ZFAND4: variants seen among roughly 807,000 people sequenced by gnomAD.
ZFAND4 encodes AN1-type zinc finger protein 4.
ZFAND4 carries 43 observed loss-of-function variants against 64.4 expected under a neutral mutation model. The observed-to-expected ratio is 0.67, with a 90% CI of 0.52 to 0.86. ZFAND4 has a LOEUF of 0.86. Among genes scored for constraint, ZFAND4 ranks in the 40% least tolerant of loss-of-function variants. The pLI, the probability that ZFAND4 is intolerant of heterozygous loss-of-function variation, is 0.00. For missense variants in ZFAND4, 929 were observed against 859.8 expected, an observed-to-expected ratio of 1.08 and a Z score of -1.01; for synonymous variants, 296 against 305.7, an observed-to-expected ratio of 0.97 and a Z score of 0.33.
At chr10:45,666,461 T>C (rs981955434) in intron 1 of ZFAND4, among the ~76,000 whole-genome samples, 1 of 152,228 alleles carries the variant, frequency 6.6e-6, no homozygotes, top group Non-Finnish European at 1.5e-5. Context: ...TTAACAGATA[T>C]ATGAATGGTA....
chr10:45,637,506 C>T (rs1379353805), intron 6 of ZFAND4, among the ~76,000 whole-genome samples: 2 of 152,026 alleles, frequency 1.3e-5, no homozygotes, highest in South Asian at 4.1e-4. Context: ...AATCCCAGCA[C>T]TTTGGGAGGC....
At chr10:45,619,027 T>A (rs1219559016) in intron 8 of ZFAND4, among the ~76,000 whole-genome samples, 1 of 151,950 alleles carries the variant, frequency 6.6e-6, no homozygotes, top group East Asian at 1.9e-4. Context: ...TGTTATTATA[T>A]AAGAAAGAAT....
At chr10:45,631,370 TA>T (rs199684761) in intron 6 of ZFAND4, among the ~76,000 whole-genome samples, 4,683 of 133,468 alleles carry the variant, frequency 0.035, 83 homozygotes, top group East Asian at 0.058. Flanking sequence ...AATAAAGTAC[TA>T]AAAAAAAAAA....
In ZFAND4 at chr10:45,617,923, C is replaced by T. The variant is rs146205394; in HGVS notation, c.2048+217G>A. On this transcript the variant is annotated intron_variant, in intron 9 of 9. Coordinates refer to ENST00000344646, the MANE Select transcript of ZFAND4 (RefSeq NM_174890.4). ...TCTCAGATTGGTTTAAACCTCCTAA[C>T]TTAAAGGACAAGGAAGGATCTGTTT... 2.9e-5 allele frequency: 10 copies of T among 342,244 alleles called. No homozygotes were observed. In the East Asian group the frequency reaches 6.3e-4, roughly 22 times the overall value. 21.2% of individuals were successfully genotyped at this position (342,244 alleles called of 1,614,324 possible). A position where few individuals can be genotyped will look rare whatever the true frequency, so the allele number is the denominator to read the frequency against.
At position 45,652,016 on chromosome 10, in the gene ZFAND4, G is replaced by T. The variant is rs967292184; in HGVS notation, c.278C>A (p.Thr93Asn). 1 of 1,613,636 alleles carries T rather than the reference G, an allele frequency of 6.2e-7. No homozygotes were observed. The highest frequency in any genetic ancestry group is 8.5e-7 in the Non-Finnish European group (1 of 1,179,730). Residue 93 changes from threonine (T) to asparagine (N), a missense_variant, in exon 4 of 10, where the codon ACC (threonine) becomes AAC (asparagine). By Grantham distance (65) the Thr-to-Asn change is moderately conservative (BLOSUM62 0). Transcript: ENST00000344646. ...ACGCATAGCCAAAACTAGCTTCAAG[G>T]TACACCCTTCTGAAATGCTGTGGAT... ...LNDYNISEGCTLKLVLAMRGG... is the reference protein window; with the variant it reads ...LNDYNISEGCNLKLVLAMRGG...
chr10:45,638,488 AAAAAAAC>A (rs1367477400), intron 6 of ZFAND4, among the ~76,000 whole-genome samples: 14 of 151,938 alleles, frequency 9.2e-5, no homozygotes, highest in Non-Finnish European at 1.3e-4. Context: ...TCAAAAAAGA[AAAAAAAC>A]AAAAAACAAA....
intron 2 of ZFAND4, among the ~76,000 whole-genome samples, chr10:45,657,056 C>T (rs1177634649): frequency 6.6e-6 from 1 of 151,426 alleles, no homozygotes; most frequent in Admixed American, 6.6e-5. Flanking sequence ...ATCCATTGCC[C>T]AGGCTGGAGT....
rs747946738 is a variant in ZFAND4 at position 45,626,493 on chromosome 10, G to A, written c.1330C>T (p.His444Tyr). Residue 444 changes from histidine to tyrosine, a missense_variant, in exon 7 of 10, where the codon CAT (histidine) becomes TAT (tyrosine). His to Tyr is a moderately conservative substitution (Grantham distance 83). Transcript: ENST00000344646. The part of the protein sequence containing the change: ...GLKAPEQHLK[H>Y]VAGVLNGESV... Reference sequence around the variant, plus strand: ...TCCCCATTCAGCACTCCTGCAACATGCTTGAGATGCTGCTCTGGAGCTTTC... The same window carrying A: ...TCCCCATTCAGCACTCCTGCAACATACTTGAGATGCTGCTCTGGAGCTTTC... The A allele has an allele frequency of 6.2e-7, 1 of 1,613,810 alleles. No homozygotes were observed. The highest frequency in any genetic ancestry group is 1.1e-5 in the South Asian group (1 of 91,080).
intron 2 of ZFAND4, among the ~76,000 whole-genome samples, chr10:45,657,302 A>C (rs1290679805): frequency 2.0e-5 from 3 of 152,210 alleles, no homozygotes; most frequent in African/African-American, 7.2e-5. Context: ...GACAGATGAC[A>C]AGCAAATTAA....
intron 5 of ZFAND4, chr10:45,640,439 AAAAG>A: frequency 8.1e-7 from 1 of 1,241,686 alleles, no homozygotes; most frequent in Admixed American, 3.2e-5. Flanking sequence ...AAAAAAAAAA[AAAAG>A]AATTCATACA....
intron 7 of ZFAND4, 43 bp from the exon 8 acceptor site, chr10:45,624,680 A>G (rs1446595803): frequency 1.3e-6 from 2 of 1,503,844 alleles, no homozygotes; most frequent in Admixed American, 1.8e-5. Flanking sequence ...GAGTCAATGA[A>G]GAATAGAAAT....
At chr10:45,643,437 G>A (rs923808706) in intron 5 of ZFAND4, among the ~76,000 whole-genome samples, 1 of 151,294 alleles carries the variant, frequency 6.6e-6, no homozygotes, top group Admixed American at 6.6e-5. Context: ...TTGGGAGGCC[G>A]AGGTGGGCGG....
At chr10:45,631,239 C>T (rs574369201) in intron 6 of ZFAND4, among the ~76,000 whole-genome samples, 2 of 150,318 alleles carry the variant, frequency 1.3e-5, no homozygotes, top group South Asian at 2.1e-4. Flanking sequence ...ATGGCGTGAA[C>T]CTGGGAGGCG....
chr10:45,648,573 C>A, intron 4 of ZFAND4, 39 bp from the exon 5 acceptor site: 2 of 1,567,102 alleles, frequency 1.3e-6, no homozygotes, highest in South Asian at 2.4e-5. Context: ...CAATTTGGAT[C>A]AAGTTTTATG....
In ZFAND4 at chr10:45,627,080, G is replaced by C. The variant is rs955612392; in HGVS notation, c.743C>G (p.Pro248Arg). 2 of 1,547,292 alleles carry C rather than the reference G, an allele frequency of 1.3e-6. No homozygotes were observed. The highest frequency in any genetic ancestry group is 1.7e-6 in the Non-Finnish European group (2 of 1,148,524). ...AGGTCGAGGAGCTACAGGTGGGTGA[G>C]GTTTTATCTTGACAGCTTTCTTAGG... ...KKPKKAVKIK[P>R]HPPVAPRPSS... The change falls in exon 7 of 10, where the codon CCT (proline) becomes CGT (arginine). Residue 248 changes from proline (P) to arginine (R), a missense_variant. By Grantham distance (103) the Pro-to-Arg change is moderately radical (BLOSUM62 -2). Coordinates refer to ENST00000344646, the MANE Select transcript of ZFAND4 (RefSeq NM_174890.4).
At chr10:45,627,572 T>C (rs1465162074) in intron 6 of ZFAND4, among the ~76,000 whole-genome samples, 1 of 152,180 alleles carries the variant, frequency 6.6e-6, no homozygotes, top group Non-Finnish European at 1.5e-5. Flanking sequence ...GGCTGGCTTT[T>C]GGGAACATCT....
intron 1 of ZFAND4, among the ~76,000 whole-genome samples, chr10:45,664,506 A>G (rs2048681716): frequency 6.6e-6 from 1 of 151,374 alleles, no homozygotes; most frequent in African/African-American, 2.4e-5. Context: ...TCACCTTGTG[A>G]TCCACCCGCC....
Position 45,648,403 on chromosome 10 carries a change from A to G in ZFAND4, c.460T>C (p.Phe154Leu). ...CCATCTCCCCTATCTACTGCAGGAA[A>G]GAAATTCAATTGATCTCCTTCTTGG... The part of the protein sequence containing the change: ...VYQEGDQLNF[F>L]PAVDRGDGTL... Residue 154 changes from phenylalanine to leucine, a missense_variant, in exon 5 of 10, where the codon TTT (phenylalanine) becomes CTT (leucine). By Grantham distance (22) the Phe-to-Leu change is conservative. Transcript: ENST00000344646. 6.2e-7 allele frequency: 1 copy of G among 1,614,134 alleles called. No homozygotes were observed. Among genetic ancestry groups the G allele is most frequent in the Non-Finnish European group, 8.5e-7 (1 of 1,179,996 alleles).
chr10:45,665,080 C>A (rs2048729125), intron 1 of ZFAND4, among the ~76,000 whole-genome samples: 1 of 152,100 alleles, frequency 6.6e-6, no homozygotes, highest in African/African-American at 2.4e-5. Flanking sequence ...GTAAGCCCAA[C>A]AAATAGAAGT....
Sources: allele counts gnomAD v4.1 joint callset (sites outside exome capture counted in the v4.1 genomes callset), GRCh38; gene constraint gnomAD v4.1.1; transcripts MANE v1.5; gene names NCBI Gene and HGNC (gene_info 2026-07-23, HGNC 2026-07-21).